The following ROBO2 variants were observed in gnomAD, a reference collection of about 807,000 sequenced individuals.
The protein encoded by ROBO2 is roundabout guidance receptor 2, also known as roundabout homolog 2.
Under a neutral mutation model 160.8 loss-of-function variants are expected in ROBO2, and 53 were observed. The ratio of observed to expected loss-of-function variants is 0.33; its 90% CI spans 0.26 to 0.41. The LOEUF (loss-of-function observed/expected upper bound fraction) is 0.41. Among genes scored for constraint, ROBO2 ranks in the 10% least tolerant of loss-of-function variants. The pLI, the probability that ROBO2 is intolerant of heterozygous loss-of-function variation, is 1.00. For synonymous variants in ROBO2, 664 were observed against 611.7 expected (o/e 1.09, Z -1.26); for missense variants, 1,577 against 1,722.4 (o/e 0.92, Z 1.49).
intron 2 of ROBO2, among the ~76,000 whole-genome samples, chr3:76,064,776 T>C (rs2068195685): frequency 1.3e-5 from 2 of 152,138 alleles, no homozygotes; most frequent in African/African-American, 4.8e-5. Context: ...CAGGGCAACT[T>C]GAATCTATGC....
chr3:76,244,186 G>A (rs1413112590), intron 2 of ROBO2, among the ~76,000 whole-genome samples: 1 of 152,222 alleles, frequency 6.6e-6, no homozygotes, highest in Non-Finnish European at 1.5e-5. Flanking sequence ...CAGCCTGTAA[G>A]AGGTAAAGCC....
intron 2 of ROBO2, among the ~76,000 whole-genome samples, chr3:76,895,237 G>C (rs551759550): frequency 1.9e-4 from 29 of 151,944 alleles, no homozygotes; most frequent in Non-Finnish European, 3.4e-4. Flanking sequence ...GCTTATAAAG[G>C]TAGCAAACAA....
At chr3:75,918,391 A>G (rs1397349857) in intron 1 of ROBO2, among the ~76,000 whole-genome samples, 1 of 152,002 alleles carries the variant, frequency 6.6e-6, no homozygotes, top group Non-Finnish European at 1.5e-5. Context: ...TCATTGGTCT[A>G]TATATCTGTT....
chr3:77,582,462 T>A (rs773718703), intron 16 of ROBO2, among the ~76,000 whole-genome samples: 16 of 152,204 alleles, frequency 1.1e-4, no homozygotes, highest in Non-Finnish European at 2.4e-4. Context: ...ATTAATGTAA[T>A]CATTGGTGTG....
At chr3:77,216,401 C>G (rs540197251) in intron 2 of ROBO2, among the ~76,000 whole-genome samples, 1 of 152,140 alleles carries the variant, frequency 6.6e-6, no homozygotes, top group African/African-American at 2.4e-5. Flanking sequence ...TCTCCTGGTG[C>G]GCCGTTTACT....
At chr3:76,331,014 A>G (rs2073442567) in intron 2 of ROBO2, among the ~76,000 whole-genome samples, 1 of 152,224 alleles carries the variant, frequency 6.6e-6, no homozygotes, top group South Asian at 2.1e-4. Context: ...TATATGAATC[A>G]AATGTTGTTT....
At position 76,393,574 on chromosome 3, in the gene ROBO2, G is replaced by A. The variant is rs368429352; in HGVS notation, c.109+455972G>A. 6.6e-5 allele frequency among the ~76,000 whole-genome samples: 10 copies of A among 152,266 alleles called. No homozygotes were observed. In the East Asian group the frequency reaches 1.9e-3, roughly 29 times the overall value. ...TTGCGTTTATTAGAAGTAAAACTCT[G>A]TAAAGTAAAAGATGTTTGTCCCTGT... On this transcript the variant is annotated intron_variant, in intron 2 of 26. Transcript: ENST00000487694.
At chr3:76,306,238 A>G (rs1309784481) in intron 2 of ROBO2, among the ~76,000 whole-genome samples, 1 of 152,218 alleles carries the variant, frequency 6.6e-6, no homozygotes, top group African/African-American at 2.4e-5. Flanking sequence ...ACATATTGAT[A>G]TAAAATATAA....
chr3:77,490,317 C>T (rs1351836692), intron 4 of ROBO2, among the ~76,000 whole-genome samples: 1 of 152,030 alleles, frequency 6.6e-6, no homozygotes, highest in Non-Finnish European at 1.5e-5. Flanking sequence ...GTCTCGATTT[C>T]CTGACCTCGT....
At chr3:75,991,938 T>C (rs937846481) in intron 2 of ROBO2, among the ~76,000 whole-genome samples, 2 of 152,178 alleles carry the variant, frequency 1.3e-5, no homozygotes, top group African/African-American at 4.8e-5. Context: ...TAGAGATTTG[T>C]GGAACTTTGA....
chr3:76,367,408 C>A (rs2075875193), intron 2 of ROBO2, among the ~76,000 whole-genome samples: 1 of 151,652 alleles, frequency 6.6e-6, no homozygotes. Context: ...TGGCTTTTCC[C>A]TAAAAGAATT....
At chr3:76,028,849 G>T (rs1169971880) in intron 2 of ROBO2, among the ~76,000 whole-genome samples, 1 of 151,934 alleles carries the variant, frequency 6.6e-6, no homozygotes, top group Non-Finnish European at 1.5e-5. Context: ...AAAAGGCCTG[G>T]GTTATTTGAA....
intron 2 of ROBO2, among the ~76,000 whole-genome samples, chr3:76,125,609 AT>A (rs548810684): frequency 6.7e-5 from 10 of 149,708 alleles, no homozygotes; most frequent in South Asian, 4.2e-4. Context: ...GATGCTGAGC[AT>A]TTTTTTTTCA....
At chr3:76,045,216 A>T (rs1006935781) in intron 2 of ROBO2, among the ~76,000 whole-genome samples, 3 of 152,074 alleles carry the variant, frequency 2.0e-5, no homozygotes, top group Non-Finnish European at 4.4e-5. Context: ...AATACTGTAC[A>T]ATCTTTGAGG....
chr3:76,135,392 T>A (rs1279081784), intron 2 of ROBO2, among the ~76,000 whole-genome samples: 2 of 152,142 alleles, frequency 1.3e-5, no homozygotes, highest in Non-Finnish European at 2.9e-5. Flanking sequence ...CCTCTCTTGC[T>A]TTACCACTCT....
chr3:77,396,475 C>T (rs76197755), intron 2 of ROBO2, among the ~76,000 whole-genome samples: 2,221 of 152,178 alleles, frequency 0.015, 64 homozygotes, highest in African/African-American at 0.051. Flanking sequence ...CTTAAGCTGT[C>T]GTACTCTTGT....
At chr3:77,451,998 C>G (rs139018172) in intron 2 of ROBO2, among the ~76,000 whole-genome samples, 2,036 of 152,140 alleles carry the variant, frequency 0.013, 48 homozygotes, top group African/African-American at 0.044. Flanking sequence ...CAATTCCTAC[C>G]TATGAGTGAG....
At chr3:77,341,825 A>T (rs1274558824) in intron 2 of ROBO2, among the ~76,000 whole-genome samples, 2 of 151,606 alleles carry the variant, frequency 1.3e-5, no homozygotes, top group East Asian at 3.9e-4. Flanking sequence ...GGTTATATGC[A>T]TATTCTAATT....
intron 2 of ROBO2, among the ~76,000 whole-genome samples, chr3:76,826,489 C>G (rs1230486247): frequency 6.6e-6 from 1 of 152,002 alleles, no homozygotes; most frequent in Non-Finnish European, 1.5e-5. Flanking sequence ...GGCAAGTGCT[C>G]AGGTAATGCC....
Sources: gnomAD v4.1 joint callset for allele counts (sites outside exome capture counted in the v4.1 genomes callset) on GRCh38, gnomAD v4.1.1 for gene constraint, MANE v1.5 for transcripts, NCBI Gene and HGNC (gene_info 2026-07-23, HGNC 2026-07-21) for gene names.